Variants in MIR2052HG observed in about 807,000 individuals in gnomAD.
MIR2052HG encodes the protein MIR2052 host gene.
intron 1 of MIR2052HG, chr8:74,603,573 C>T (rs1586884309): frequency 1.3e-6 from 2 of 1,546,516 alleles, no homozygotes; most frequent in Admixed American, 3.3e-5. Context: ...TGTTGCCATG[C>T]GTCATGGGAA....
intron 2 of MIR2052HG, among the ~76,000 whole-genome samples, chr8:74,629,743 A>G (rs1182192254): frequency 6.6e-6 from 1 of 152,212 alleles, no homozygotes; most frequent in African/African-American, 2.4e-5. Context: ...TTGGCCAACC[A>G]CAAGAGTGAC....
At chr8:74,756,442 C>T (rs1442629596) in intron 5 of MIR2052HG, among the ~76,000 whole-genome samples, 3 of 152,144 alleles carry the variant, frequency 2.0e-5, no homozygotes, top group Admixed American at 2.0e-4. Flanking sequence ...AACTCTGTCC[C>T]GTGAATCTGG....
chr8:74,690,224 C>T (rs1809225319), intron 2 of MIR2052HG, among the ~76,000 whole-genome samples: 2 of 152,110 alleles, frequency 1.3e-5, no homozygotes, highest in South Asian at 4.1e-4. Context: ...TGTTGAATGT[C>T]ACAGAGTGAT....
At chr8:74,726,303 A>C (rs1051203124) in intron 4 of MIR2052HG, among the ~76,000 whole-genome samples, 1 of 152,236 alleles carries the variant, frequency 6.6e-6, no homozygotes, top group African/African-American at 2.4e-5. Flanking sequence ...CCTTGTGTGC[A>C]TCAAAAGCTT....
intron 2 of MIR2052HG, among the ~76,000 whole-genome samples, chr8:74,682,939 A>G (rs1809141359): frequency 6.6e-6 from 1 of 152,206 alleles, no homozygotes; most frequent in African/African-American, 2.4e-5. Flanking sequence ...AATGAACCAC[A>G]AACACAGAAT....
chr8:74,691,991 A>G (rs1809243960), intron 2 of MIR2052HG, among the ~76,000 whole-genome samples: 1 of 152,228 alleles, frequency 6.6e-6, no homozygotes, highest in Non-Finnish European at 1.5e-5. Context: ...CAATAGCCAT[A>G]CAGACATATT....
chr8:74,600,149 C>G (rs183856089), intron 1 of MIR2052HG, among the ~76,000 whole-genome samples: 11 of 152,298 alleles, frequency 7.2e-5, no homozygotes, highest in Admixed American at 3.3e-4. Flanking sequence ...GTGAGATGAA[C>G]CTGGTACCTC....
At chr8:74,738,121 G>GTATC (rs375168561) in intron 4 of MIR2052HG, among the ~76,000 whole-genome samples, 3 of 122,196 alleles carry the variant, frequency 2.5e-5, no homozygotes, top group Admixed American at 8.1e-5. Context: ...ATGTATGTAT[G>GTATC]TATGTATGTA....
At chr8:74,740,525 A>G (rs542629259) in intron 4 of MIR2052HG, among the ~76,000 whole-genome samples, 1 of 152,348 alleles carries the variant, frequency 6.6e-6, no homozygotes, top group South Asian at 2.1e-4. Context: ...TGGGTACTAA[A>G]ATAGGTAATA....
At chr8:74,700,691 C>T (rs1235558688) in intron 2 of MIR2052HG, among the ~76,000 whole-genome samples, 3 of 152,078 alleles carry the variant, frequency 2.0e-5, no homozygotes, top group Non-Finnish European at 4.4e-5. Flanking sequence ...GGAGGGCTCT[C>T]ATTTCTGAGA....
intron 2 of MIR2052HG, among the ~76,000 whole-genome samples, chr8:74,667,792 C>G (rs1808947428): frequency 6.6e-6 from 1 of 152,054 alleles, no homozygotes; most frequent in South Asian, 2.1e-4. Flanking sequence ...AGGAGAACCA[C>G]CCCTTGTGAT....
intron 2 of MIR2052HG, among the ~76,000 whole-genome samples, chr8:74,647,758 C>T (rs758230207): frequency 1.3e-4 from 20 of 152,184 alleles, no homozygotes; most frequent in Admixed American, 4.6e-4. Flanking sequence ...ATTTCATGGA[C>T]ATTTATCAGT....
intron 2 of MIR2052HG, among the ~76,000 whole-genome samples, chr8:74,638,283 G>T (rs767758068): frequency 3.3e-5 from 5 of 152,134 alleles, no homozygotes; most frequent in African/African-American, 4.8e-5. Flanking sequence ...TGATATAAAA[G>T]TATGAGAGAG....
chr8:74,603,306 A>G (rs1042415469), intron 1 of MIR2052HG: 1 of 1,594,776 alleles, frequency 6.3e-7, no homozygotes, highest in African/African-American at 1.3e-5. Context: ...TCCCCATGCC[A>G]CCCGTCTCCG....
intron 2 of MIR2052HG, among the ~76,000 whole-genome samples, chr8:74,615,843 T>C (rs1274357129): frequency 6.6e-6 from 1 of 152,238 alleles, no homozygotes; most frequent in South Asian, 2.1e-4. Context: ...TTCTCACCTA[T>C]GAGTGAGAAC....
At chr8:74,734,005 G>A (rs1302380469) in intron 4 of MIR2052HG, among the ~76,000 whole-genome samples, 3 of 152,320 alleles carry the variant, frequency 2.0e-5, no homozygotes, top group East Asian at 3.9e-4. Context: ...AAACTAAAGA[G>A]CTTCTGCGCA....
Position 74,603,348 on chromosome 8 carries a change from C to A in MIR2052HG, n.128+3440C>A, listed in dbSNP as rs1012033546. ...GCCTGACATTGATTAGATATTGAGCCAGGCTAATGCTGGCAGCAGATCCAG... is the reference window on the plus strand; with the variant it reads ...GCCTGACATTGATTAGATATTGAGCAAGGCTAATGCTGGCAGCAGATCCAG... On this transcript the variant is annotated intron_variant and non_coding_transcript_variant, in intron 1 of 6. Coordinates refer to ENST00000523442, the Ensembl canonical transcript of MIR2052HG. The A allele has an allele frequency of 6.8e-6, 11 of 1,610,752 alleles. No homozygotes were observed. The African/African-American group carries it at 1.5e-4, about 22-fold the overall frequency.
At chr8:74,730,489 A>C (rs1809680381) in intron 4 of MIR2052HG, among the ~76,000 whole-genome samples, 1 of 152,204 alleles carries the variant, frequency 6.6e-6, no homozygotes, top group Admixed American at 6.5e-5. Flanking sequence ...AGCAATATGA[A>C]TTTCGAATAG....
At chr8:74,738,862 C>T (rs6981808) in intron 4 of MIR2052HG, among the ~76,000 whole-genome samples, 35,150 of 152,128 alleles carry the variant, frequency 0.23, 5,240 homozygotes, top group East Asian at 0.62. Context: ...GAGGCTTACA[C>T]GCATTCAGTC....
Sources: gnomAD v4.1 joint callset for allele counts (sites outside exome capture counted in the v4.1 genomes callset) on GRCh38, gnomAD v4.1.1 for gene constraint, MANE v1.5 for transcripts, NCBI Gene and HGNC (gene_info 2026-07-23, HGNC 2026-07-21) for gene names.